The following CUEDC2 variants were observed in gnomAD, a reference collection of about 807,000 sequenced individuals.
The protein encoded by CUEDC2 is CUE domain containing 2.
In CUEDC2, 10 loss-of-function variants were observed where a neutral mutation model predicts 36.0. That is an observed-to-expected ratio of 0.28 (90% confidence interval 0.17 to 0.47). The LOEUF is 0.47. CUEDC2 is among the 20% of genes least tolerant of loss of function. CUEDC2 has a pLI of 0.99. For synonymous variants in CUEDC2, 133 were observed against 141.8 expected (o/e 0.94, Z 0.44); for missense variants, 269 against 368.1 (o/e 0.73, Z 2.20).
intron 1 of CUEDC2, among the ~76,000 whole-genome samples, chr10:102,425,931 C>T (rs1428969244): frequency 6.6e-6 from 1 of 152,116 alleles, no homozygotes; most frequent in Non-Finnish European, 1.5e-5. Flanking sequence ...TCCTGCGGGA[C>T]ATCCATGGCT....
rs1323074046 is a variant in CUEDC2, at chr10:102,423,609, A to G, written c.718-37T>C. The G allele has an allele frequency of 3.7e-6, 6 of 1,614,026 alleles. No homozygotes were observed. Among genetic ancestry groups the G allele is most frequent in the Non-Finnish European group, 5.1e-6 (6 of 1,180,012 alleles). The stretch of plus-strand genomic sequence containing the variant: ...TCAGCAGTGAGTGGCAGAAGCCAGG[A>G]GCCAGTCCCACCCATTCCGCATCCC... On this transcript the variant is annotated intron_variant, in intron 8 of 8. Coordinates refer to ENST00000369937, the MANE Select transcript of CUEDC2 (RefSeq NM_024040.3). The surrounding 1 kb of genome is among the most constrained non-coding windows in gnomAD (Gnocchi z 5.6).
intron 1 of CUEDC2, 78 bp downstream of exon 1, chr10:102,432,448 A>T (rs1481559681): frequency 6.6e-6 from 1 of 152,268 alleles, no homozygotes; most frequent in East Asian, 1.9e-4. Flanking sequence ...CCGTGGGGGA[A>T]CACATCGGAC....
At chr10:102,425,395 G>C (rs1424804727) in intron 1 of CUEDC2, among the ~76,000 whole-genome samples, 197 bp from the exon 2 acceptor site, 2 of 150,236 alleles carry the variant, frequency 1.3e-5, no homozygotes, top group Non-Finnish European at 3.0e-5. Flanking sequence ...AGGGCACTGT[G>C]TCTGGAGACA....
chr10:102,425,013 A>G, intron 2 of CUEDC2, 102 bp downstream of exon 2: 1 of 1,078,960 alleles, frequency 9.3e-7, no homozygotes, highest in Non-Finnish European at 1.4e-6. Flanking sequence ...AGCAAATCCT[A>G]GTCAGCCCTC....
chr10:102,424,215 C>A lies in CUEDC2; in HGVS notation c.412-37G>T, dbSNP rs779338978. ...AACGTTAACAAGAGGCAATACTCCC[C>A]CCTTTCCAGCCCCCTGGGTCCCTCA... On this transcript the variant is annotated intron_variant, in intron 5 of 8. Transcript: ENST00000369937. This position sits in a 1 kb window ranked among gnomAD's most constrained non-coding sequence, Gnocchi z 4.2. 14 of 1,610,452 alleles carry A rather than the reference C, an allele frequency of 8.7e-6. No individual in the cohort carries two copies. In the Admixed American group the frequency reaches 2.3e-4, roughly 27 times the overall value.
At position 102,424,191 on chromosome 10, in the gene CUEDC2, A is replaced by C; in HGVS notation, c.412-13T>G. On this transcript the variant is annotated splice_polypyrimidine_tract_variant and intron_variant, in intron 5 of 8. Transcript: ENST00000369937. This position sits in a 1 kb window ranked among gnomAD's most constrained non-coding sequence, Gnocchi z 4.2. ...CAGCGCCAGTTGCCTAAGGGTACAA[A>C]CGTTAACAAGAGGCAATACTCCCCC... The C allele has an allele frequency of 6.2e-7, 1 of 1,612,946 alleles. No homozygotes were observed.
At chr10:102,429,675 T>A (rs2061609449) in intron 1 of CUEDC2, among the ~76,000 whole-genome samples, 1 of 146,842 alleles carries the variant, frequency 6.8e-6, no homozygotes, top group Non-Finnish European at 1.5e-5. Context: ...CTAGATCCCA[T>A]CATGCAGCTC....
chr10:102,427,551 C>T (rs2061601738), intron 1 of CUEDC2, among the ~76,000 whole-genome samples: 1 of 152,312 alleles, frequency 6.6e-6, no homozygotes, highest in South Asian at 2.1e-4. Flanking sequence ...GGGAAATATC[C>T]TTGACACCAT....
intron 1 of CUEDC2, 56 bp from the exon 2 acceptor site, chr10:102,425,254 G>T: frequency 7.6e-7 from 1 of 1,320,626 alleles, no homozygotes. Context: ...CCACCCACTG[G>T]GCCTGGGGGC....
Position 102,424,058 on chromosome 10 carries a change from C to T in CUEDC2, c.532G>A (p.Ala178Thr). 1 of 1,614,180 alleles carries T rather than the reference C, an allele frequency of 6.2e-7. No individual in the cohort carries two copies. Among genetic ancestry groups the T allele is most frequent in the Non-Finnish European group, 8.5e-7 (1 of 1,180,014 alleles). The change falls in exon 6 of 9, where the codon GCT becomes ACT. Residue 178 changes from alanine (A) to threonine (T), a missense_variant. Coordinates refer to ENST00000369937, the MANE Select transcript of CUEDC2 (RefSeq NM_024040.3). This position sits in a 1 kb window ranked among gnomAD's most constrained non-coding sequence, Gnocchi z 4.2. The part of the protein sequence containing the change: ...LAKARGDLEE[A>T]VQMLVEGKEE... ...TTTCCCTCTACCAGCATCTGCACAG[C>T]TTCTTCCAAGTCCCCCCGAGCTTTG...
At chr10:102,427,072 A>AG (rs1005953331) in intron 1 of CUEDC2, among the ~76,000 whole-genome samples, 6 of 151,720 alleles carry the variant, frequency 4.0e-5, no homozygotes, top group Non-Finnish European at 5.9e-5. Flanking sequence ...ACAAAAAAAA[A>AG]GGGGGGAATT....
intron 1 of CUEDC2, among the ~76,000 whole-genome samples, chr10:102,429,109 G>A (rs761917378): frequency 1.3e-5 from 2 of 151,778 alleles, no homozygotes; most frequent in South Asian, 4.2e-4. Flanking sequence ...CCCTGACCTA[G>A]AACTCATTTG....
At chr10:102,427,608 A>G (rs1269600713) in intron 1 of CUEDC2, among the ~76,000 whole-genome samples, 1 of 151,982 alleles carries the variant, frequency 6.6e-6, no homozygotes, top group Non-Finnish European at 1.5e-5. Context: ...AGCCCTAATC[A>G]TTATCTCTTG....
chr10:102,424,282 A>G lies in CUEDC2; in HGVS notation c.393T>C (p.Ala131=). Residue 131 remains alanine, a synonymous_variant, in exon 5 of 9, where the codon GCT becomes GCC. Coordinates refer to ENST00000369937, the MANE Select transcript of CUEDC2 (RefSeq NM_024040.3). This position sits in a 1 kb window ranked among gnomAD's most constrained non-coding sequence, Gnocchi z 4.2. Reference sequence around the variant, plus strand: ...CCAGTACCTCATCTTGGGTGTCTGCAGCAGCAGCAGCCGAAGACCTAGTCT... The same window carrying G: ...CCAGTACCTCATCTTGGGTGTCTGCGGCAGCAGCAGCCGAAGACCTAGTCT... ...KEETRSSAAA[A]ADTQDEATGA... 1 of 1,613,050 alleles carries G rather than the reference A, an allele frequency of 6.2e-7. No homozygotes were observed. Among genetic ancestry groups the G allele is most frequent in the Non-Finnish European group, 8.5e-7 (1 of 1,179,552 alleles).
chr10:102,429,721 A>G (rs2135473192), intron 1 of CUEDC2, among the ~76,000 whole-genome samples: 1 of 148,794 alleles, frequency 6.7e-6, no homozygotes, highest in Middle Eastern at 3.5e-3. Context: ...ACCTACCTCG[A>G]CCCTGGGTTA....
In CUEDC2 at chr10:102,424,457, C is replaced by T. The variant is rs758328685; in HGVS notation, c.280+42G>A. ...TCTGGGGAGCAGGCAGTTGGGGGAG[C>T]GGGATTATGAATCACTCAGGTGCCC... On this transcript the variant is annotated intron_variant, in intron 4 of 8. Coordinates refer to ENST00000369937, the MANE Select transcript of CUEDC2 (RefSeq NM_024040.3). This position sits in a 1 kb window ranked among gnomAD's most constrained non-coding sequence, Gnocchi z 4.2. The T allele has an allele frequency of 1.7e-5, 28 of 1,613,870 alleles. No individual in the cohort carries two copies. The highest frequency in any genetic ancestry group is 3.3e-4 in the Middle Eastern group (2 of 6,084).
chr10:102,424,810 G>A lies in CUEDC2; in HGVS notation c.75-18C>T, dbSNP rs755875589. On this transcript the variant is annotated intron_variant, in intron 2 of 8. Coordinates refer to ENST00000369937, the MANE Select transcript of CUEDC2 (RefSeq NM_024040.3). This position sits in a 1 kb window ranked among gnomAD's most constrained non-coding sequence, Gnocchi z 4.2. ...CCAAGCCACTGCAGGAAGGGAACAGGACAAGCCCTGGGTAGGACACTGGAT... is the reference window on the plus strand; with the variant it reads ...CCAAGCCACTGCAGGAAGGGAACAGAACAAGCCCTGGGTAGGACACTGGAT... 9 of 1,611,238 alleles carry A rather than the reference G, an allele frequency of 5.6e-6. No homozygotes were observed. Among genetic ancestry groups the A allele is most frequent in the Non-Finnish European group, 7.6e-6 (9 of 1,179,666 alleles).
At chr10:102,429,359 G>A (rs1217826629) in intron 1 of CUEDC2, among the ~76,000 whole-genome samples, 1 of 152,016 alleles carries the variant, frequency 6.6e-6, no homozygotes, top group East Asian at 1.9e-4. Flanking sequence ...TGTGTTTAAT[G>A]ACTTGCCCAG....
chr10:102,430,778 G>A (rs2061614303), intron 1 of CUEDC2, among the ~76,000 whole-genome samples: 1 of 152,172 alleles, frequency 6.6e-6, no homozygotes, highest in African/African-American at 2.4e-5. Context: ...CATAGCCCCT[G>A]AGTTGGGGAA....
Sources: gnomAD v4.1 joint callset for allele counts (sites outside exome capture counted in the v4.1 genomes callset) on GRCh38, gnomAD v4.1.1 for gene constraint, Gnocchi (gnomAD v3.1) non-coding constraint, MANE v1.5 for transcripts, NCBI Gene and HGNC (gene_info 2026-07-23, HGNC 2026-07-21) for gene names.